Variants in PDLIM7 observed in about 807,000 individuals in gnomAD.
The protein encoded by PDLIM7 is PDZ and LIM domain 7, also known as PDZ and LIM domain protein 7.
A neutral mutation model predicts 53.9 loss-of-function variants in PDLIM7; 37 were observed. The ratio of observed to expected loss-of-function variants is 0.69; its 90% CI spans 0.53 to 0.90. The LOEUF is 0.90. Among genes scored for constraint, PDLIM7 ranks in the 40% least tolerant of loss-of-function variants. PDLIM7 has a pLI of 0.00. For synonymous variants in PDLIM7, 300 were observed against 261.3 expected, an observed-to-expected ratio of 1.15 and a Z score of -1.43; for missense variants, 617 against 638.5, an observed-to-expected ratio of 0.97 and a Z score of 0.36.
intron 2 of PDLIM7, 76 bp from the exon 3 acceptor site, chr5:177,492,753 C>T: frequency 6.7e-7 from 1 of 1,502,506 alleles, no homozygotes; most frequent in Non-Finnish European, 9.1e-7. Context: ...GTAACACTGC[C>T]CCACCCAAAG....
rs1172051180 is a variant in PDLIM7 at position 177,483,546 on chromosome 5, G to A, written c.*98C>T. On this transcript the variant is annotated 3_prime_UTR_variant, in exon 13 of 13. Coordinates refer to ENST00000355841, the MANE Select transcript of PDLIM7 (RefSeq NM_005451.5). ...CCCCAGGCTCGGGCCAGGAGCCAGG[G>A]TTAAGGCAACCATTGCCAGCCCTAC... 7.7e-6 allele frequency: 7 copies of A among 908,746 alleles called. No individual in the cohort carries two copies. The highest frequency in any genetic ancestry group is 3.2e-5 in the South Asian group (2 of 61,624). The allele number at this position is 908,746 out of a possible 1,614,324, so 56.3% of individuals were successfully genotyped here.
intron 8 of PDLIM7, 66 bp from the exon 9 acceptor site, chr5:177,489,693 C>T: frequency 6.7e-7 from 1 of 1,489,288 alleles, no homozygotes; most frequent in Non-Finnish European, 8.9e-7. Flanking sequence ...GAGCCCCAGG[C>T]AGCTGAGAGA....
chr5:177,496,550 G>A (rs894046069), intron 1 of PDLIM7, 27 bp from the exon 2 acceptor site: 3 of 1,495,008 alleles, frequency 2.0e-6, no homozygotes, highest in Non-Finnish European at 2.7e-6. Context: ...GAAGGTGAGT[G>A]GCCAGCATGG....
At chr5:177,485,301 A>C (rs1489378926) in intron 10 of PDLIM7, among the ~76,000 whole-genome samples, 1 of 152,246 alleles carries the variant, frequency 6.6e-6, no homozygotes, top group Non-Finnish European at 1.5e-5. Flanking sequence ...GGGCAGAGGC[A>C]CAAGGGGCTG....
Position 177,492,601 on chromosome 5 carries a change from G to GC in PDLIM7, c.172dup (p.Ala58GlyfsTer3). ...AGCTTCGATGTGTGTGAGGCTACCC[G>GC]CATTCTCGCCATCGATGCTCAGCAC... is the stretch of plus-strand genomic sequence containing the variant. On this transcript the variant is annotated frameshift_variant, in exon 3 of 13. Coordinates refer to ENST00000355841, the MANE Select transcript of PDLIM7 (RefSeq NM_005451.5). LOFTEE classifies it high-confidence loss of function. 6.2e-7 allele frequency: 1 copy of GC among 1,613,020 alleles called. No individual in the cohort carries two copies. The highest frequency in any genetic ancestry group is 8.5e-7 in the Non-Finnish European group (1 of 1,179,982).
intron 10 of PDLIM7, chr5:177,484,719 A>T (rs1161244888): frequency 6.0e-6 from 1 of 166,366 alleles, no homozygotes; most frequent in African/African-American, 2.4e-5. Flanking sequence ...CCCCTGCATG[A>T]AACTGTGTAC....
At chr5:177,492,325 G>A in intron 4 of PDLIM7, 80 bp downstream of exon 4, 1 of 1,548,802 alleles carries the variant, frequency 6.5e-7, no homozygotes, top group Non-Finnish European at 8.8e-7. Flanking sequence ...GGGGTACCGA[G>A]AATGTGCCAG....
At chr5:177,484,288 C>G in intron 10 of PDLIM7, 98 bp from the exon 11 acceptor site, 3 of 1,475,818 alleles carry the variant, frequency 2.0e-6, no homozygotes, top group Non-Finnish European at 2.8e-6. Context: ...CCTGTTCCTT[C>G]TCGCGGTAAA....
At position 177,484,209 on chromosome 5, in the gene PDLIM7, C is replaced by T; in HGVS notation, c.1051-19G>A. On this transcript the variant is annotated intron_variant, in intron 10 of 12. Transcript: ENST00000355841. Reference sequence around the variant, plus strand: ...TGATCTCCTGGAAGGAGGTCCCAGTCACTCGGCAGGCTCAGGCCCCTCCTG... The same window carrying T: ...TGATCTCCTGGAAGGAGGTCCCAGTTACTCGGCAGGCTCAGGCCCCTCCTG... 6.2e-7 allele frequency: 1 copy of T among 1,611,382 alleles called. No individual in the cohort carries two copies. The highest frequency in any genetic ancestry group is 8.5e-7 in the Non-Finnish European group (1 of 1,179,758).
chr5:177,493,915 G>GC lies in PDLIM7; in HGVS notation c.97-1239dup, dbSNP rs555972466. On this transcript the variant is annotated intron_variant, in intron 2 of 12. Coordinates refer to ENST00000355841, the MANE Select transcript of PDLIM7 (RefSeq NM_005451.5). ...CTGAGCTGAGGCAGGGAGAGGGGAG[G>GC]CAAGAGGTTTCAGAGAGATGTCAGA... Among the ~76,000 whole-genome samples the GC allele has an allele frequency of 4.4e-4, 67 of 152,304 alleles. 2 individuals carry two copies. The East Asian group carries it at 8.1e-3, about 18-fold the overall frequency.
chr5:177,490,776 G>C lies in PDLIM7; in HGVS notation c.572+94C>G. The stretch of plus-strand genomic sequence containing the variant: ...AAGGAAGGAAGGAAGGGAGAATTGA[G>C]AGCCCCAGCTGGGAGCCTCAGGAGT... On this transcript the variant is annotated intron_variant, in intron 7 of 12. Transcript: ENST00000355841. 9 of 1,334,224 alleles carry C rather than the reference G, an allele frequency of 6.7e-6. 1 individual carries two copies. The South Asian group carries it at 1.1e-4, about 16-fold the overall frequency. 82.6% of individuals were successfully genotyped at this position (1,334,224 alleles called of 1,614,324 possible). A position where few individuals can be genotyped will look rare whatever the true frequency, so the allele number is the denominator to read the frequency against.
intron 2 of PDLIM7, among the ~76,000 whole-genome samples, chr5:177,494,030 A>G (rs890246842): frequency 1.3e-5 from 2 of 152,224 alleles, no homozygotes; most frequent in Admixed American, 1.3e-4. Context: ...GTAGGAGGTC[A>G]GAAGGCTAAG....
intron 2 of PDLIM7, among the ~76,000 whole-genome samples, chr5:177,495,309 A>T (rs1759012975): frequency 6.6e-6 from 1 of 152,040 alleles, no homozygotes; most frequent in African/African-American, 2.4e-5. Context: ...TCCTACAGAC[A>T]GACTCCAGCT....
At chr5:177,496,378 A>G in intron 2 of PDLIM7, 39 bp downstream of exon 2, 1 of 1,470,812 alleles carries the variant, frequency 6.8e-7, no homozygotes, top group Non-Finnish European at 9.1e-7. Flanking sequence ...AAGCACCGAA[A>G]GACCGCTGGG....
At chr5:177,486,713 A>C (rs1758466901) in intron 10 of PDLIM7, among the ~76,000 whole-genome samples, 1 of 152,098 alleles carries the variant, frequency 6.6e-6, no homozygotes, top group East Asian at 1.9e-4. Context: ...ATCTCGGCTC[A>C]CTGCAAGCTC....
chr5:177,490,965 G>T, intron 6 of PDLIM7, 45 bp downstream of exon 6: 1 of 1,614,046 alleles, frequency 6.2e-7, no homozygotes, highest in Non-Finnish European at 8.5e-7. Flanking sequence ...ATCACGCCTG[G>T]GCTGGGGGCG....
In PDLIM7 at chr5:177,483,642, G is replaced by T; in HGVS notation, c.*2C>A. 6.2e-7 allele frequency: 1 copy of T among 1,603,818 alleles called. No homozygotes were observed. The highest frequency in any genetic ancestry group is 1.3e-5 in the African/African-American group (1 of 74,878). On this transcript the variant is annotated 3_prime_UTR_variant, in exon 13 of 13. Coordinates refer to ENST00000355841, the MANE Select transcript of PDLIM7 (RefSeq NM_005451.5). ...ACCGCGGCAGCTGTGGGCAGAAGGG[G>T]CTCACACATGAGAGAAGGCATGGCT... is the stretch of plus-strand genomic sequence containing the variant.
intron 2 of PDLIM7, among the ~76,000 whole-genome samples, chr5:177,494,258 C>T (rs1248001862): frequency 6.6e-6 from 1 of 152,222 alleles, no homozygotes; most frequent in Non-Finnish European, 1.5e-5. Context: ...GTGTCTCTGA[C>T]CCTAAGGCTC....
At chr5:177,493,117 C>T (rs190474971) in intron 2 of PDLIM7, 153 of 181,998 alleles carry the variant, frequency 8.4e-4, no homozygotes, top group African/African-American at 3.5e-3. Context: ...GATATGCCCT[C>T]TGGCCCATGC....
Sources: allele counts gnomAD v4.1 joint callset (sites outside exome capture counted in the v4.1 genomes callset), GRCh38; gene constraint gnomAD v4.1.1; transcripts MANE v1.5; gene names NCBI Gene and HGNC (gene_info 2026-07-23, HGNC 2026-07-21).